Variants in SDK2 observed in about 807,000 individuals in gnomAD.
SDK2 encodes protein sidekick-2.
A neutral mutation model predicts 253.9 loss-of-function variants in SDK2; 105 were observed. The observed-to-expected ratio is 0.41, with a 90% confidence interval of 0.35 to 0.49. The LOEUF (loss-of-function observed/expected upper bound fraction) is 0.49. Among genes scored for constraint, SDK2 ranks in the 20% least tolerant of loss-of-function variants. The pLI, the probability that SDK2 is intolerant of heterozygous loss-of-function variation, is 0.06. For synonymous variants in SDK2, 1,249 were observed against 1,234.9 expected, an observed-to-expected ratio of 1.01 and a Z score of -0.24; for missense variants, 2,608 against 3,003.0, an observed-to-expected ratio of 0.87 and a Z score of 3.07.
intron 2 of SDK2, among the ~76,000 whole-genome samples, chr17:73,489,511 G>C (rs1015938222): frequency 1.3e-5 from 2 of 152,204 alleles, no homozygotes. Context: ...CGCCCAGATG[G>C]CCGGAGCTTC....
Position 73,643,847 on chromosome 17 carries a change from C to T in SDK2, c.64+178G>A, listed in dbSNP as rs1751144432. ...CACAAGTCTCGGAGAGACTGCCCCA[C>T]CCCCAAAAGAGCCCCAAAACTTGGG... On this transcript the variant is annotated intron_variant, in intron 1 of 44. Transcript: ENST00000392650. This position sits in a 1 kb window ranked among gnomAD's most constrained non-coding sequence, Gnocchi z 6.9. 6.6e-6 allele frequency among the ~76,000 whole-genome samples: 1 copy of T among 152,082 alleles called. No homozygotes were observed. Among genetic ancestry groups the T allele is most frequent in the Non-Finnish European group, 1.5e-5 (1 of 68,002 alleles).
In SDK2 at chr17:73,435,691, C is replaced by A; in HGVS notation, c.1001-47G>T. The stretch of plus-strand genomic sequence containing the variant: ...ACCGTCAACCTGCCTCCTGCCTCCT[C>A]TCCGCCTAGGAGGGGTGCTTGGGAG... On this transcript the variant is annotated intron_variant, in intron 8 of 44. Coordinates refer to ENST00000392650, the MANE Select transcript of SDK2 (RefSeq NM_001144952.2). The surrounding 1 kb of genome is among the most constrained non-coding windows in gnomAD (Gnocchi z 5.7). The A allele has an allele frequency of 1.3e-6, 2 of 1,487,028 alleles. No individual in the cohort carries two copies. The highest frequency in any genetic ancestry group is 1.4e-5 in the African/African-American group (1 of 72,290). 92.1% of individuals were successfully genotyped at this position (1,487,028 alleles called of 1,614,324 possible).
chr17:73,380,968 C>CG lies in SDK2; in HGVS notation c.4706-19dup. 56 of 618,672 alleles carry CG rather than the reference C, an allele frequency of 9.1e-5. No homozygotes were observed. Among genetic ancestry groups the CG allele is most frequent in the Non-Finnish European group, 1.3e-4 (45 of 353,794 alleles). 38.3% of individuals were successfully genotyped at this position (618,672 alleles called of 1,614,324 possible). A position where few individuals can be genotyped will look rare whatever the true frequency, so the allele number is the denominator to read the frequency against. ...GTACATGGCTATGGGGTGGGGGTGC[C>CG]GGGGCGGGGGCGCAGAGGGAGACAG... On this transcript the variant is annotated intron_variant, in intron 33 of 44. Transcript: ENST00000392650.
In SDK2 at chr17:73,629,756, C is replaced by A. The variant is rs1001392458; in HGVS notation, c.64+14269G>T. ...GGACCTGCCTTAGACTGGGCTGGAT[C>A]CTGGGCACCTCACTTAGTATACAGA... On this transcript the variant is annotated intron_variant, in intron 1 of 44. Coordinates refer to ENST00000392650, the MANE Select transcript of SDK2 (RefSeq NM_001144952.2). This position sits in a 1 kb window ranked among gnomAD's most constrained non-coding sequence, Gnocchi z 5.0. Among the ~76,000 whole-genome samples the A allele has an allele frequency of 6.6e-6, 1 of 152,068 alleles. No homozygotes were observed. Among genetic ancestry groups the A allele is most frequent in the South Asian group, 2.1e-4 (1 of 4,822 alleles).
At chr17:73,469,990 GCGCACACA>G (rs1251420015) in intron 3 of SDK2, among the ~76,000 whole-genome samples, 64 of 105,674 alleles carry the variant, frequency 6.1e-4, no homozygotes, top group Middle Eastern at 0.01. Context: ...CTGCGCGCGC[GCGCACACA>G]CACACACACA....
intron 3 of SDK2, among the ~76,000 whole-genome samples, chr17:73,466,325 G>C (rs2063596971): frequency 6.6e-6 from 1 of 152,208 alleles, no homozygotes; most frequent in African/African-American, 2.4e-5. Flanking sequence ...GCAATGGTTT[G>C]TGTGCGTTGA....
intron 38 of SDK2, 25 bp downstream of exon 38, chr17:73,365,233 G>T: frequency 2.0e-6 from 3 of 1,530,044 alleles, no homozygotes; most frequent in Non-Finnish European, 2.6e-6. Flanking sequence ...GGGGGCTGGG[G>T]AGCTGTGCTG....
At position 73,352,403 on chromosome 17, in the gene SDK2, G is replaced by A. The variant is rs2062546415; in HGVS notation, c.5758+70C>T. 14 of 1,536,072 alleles carry A rather than the reference G, an allele frequency of 9.1e-6. No homozygotes were observed. Among genetic ancestry groups the A allele is most frequent in the South Asian group, 1.2e-5 (1 of 84,466 alleles). On this transcript the variant is annotated intron_variant, in intron 41 of 44. Transcript: ENST00000392650. The surrounding 1 kb of genome is among the most constrained non-coding windows in gnomAD (Gnocchi z 4.1). ...GTGCCCTGGTGCCTCTCCTCCTTCC[G>A]CCCTGCCCAGTGTCAGCCCCCAGGC...
chr17:73,559,996 G>T (rs2045207870), intron 1 of SDK2, among the ~76,000 whole-genome samples: 1 of 152,144 alleles, frequency 6.6e-6, no homozygotes, highest in Admixed American at 6.5e-5. Context: ...AGGGCTGGGG[G>T]TTCCTCTGGG....
chr17:73,617,301 C>G (rs2046073315), intron 1 of SDK2, among the ~76,000 whole-genome samples: 1 of 131,756 alleles, frequency 7.6e-6, no homozygotes. Context: ...AGGCCTCCTG[C>G]AGAGGGGAGG....
At position 73,337,454 on chromosome 17, in the gene SDK2, T is replaced by C. The variant is rs1189944280; in HGVS notation, c.*1133A>G. On this transcript the variant is annotated 3_prime_UTR_variant, in exon 45 of 45. Coordinates refer to ENST00000392650, the MANE Select transcript of SDK2 (RefSeq NM_001144952.2). ...TCTGGCTAGGAGGGCCCAGATGAGTTTGTTCTGGAGAGGATCCCTAGACCC... is the reference window on the plus strand; with the variant it reads ...TCTGGCTAGGAGGGCCCAGATGAGTCTGTTCTGGAGAGGATCCCTAGACCC... The C allele has an allele frequency of 6.6e-6, 1 of 151,836 alleles. No individual in the cohort carries two copies. The highest frequency in any genetic ancestry group is 2.0e-4 in the East Asian group (1 of 5,088). The allele number at this position is 151,836 out of a possible 1,614,324, so 9.4% of individuals were successfully genotyped here.
chr17:73,536,843 C>T lies in SDK2; in HGVS notation c.65-29246G>A, dbSNP rs1198295778. Among the ~76,000 whole-genome samples the T allele has an allele frequency of 1.3e-5, 2 of 152,222 alleles. 1 individual carries two copies. The highest frequency in any genetic ancestry group is 2.9e-5 in the Non-Finnish European group (2 of 68,046). On this transcript the variant is annotated intron_variant, in intron 1 of 44. Transcript: ENST00000392650. Reference sequence around the variant, plus strand: ...GACTGTAGCCCCGCCTCCTTCCCTACTCCGCCTTCCTGCTGATAGTCTAAT... The same window carrying T: ...GACTGTAGCCCCGCCTCCTTCCCTATTCCGCCTTCCTGCTGATAGTCTAAT...
intron 44 of SDK2, among the ~76,000 whole-genome samples, chr17:73,344,026 A>G (rs938855567): frequency 7.2e-5 from 11 of 152,048 alleles, no homozygotes; most frequent in African/African-American, 2.7e-4. Flanking sequence ...TGTCCCCTGG[A>G]TGCCTCTACC....
intron 40 of SDK2, among the ~76,000 whole-genome samples, chr17:73,356,622 T>C (rs574972775): frequency 6.6e-6 from 1 of 152,082 alleles, no homozygotes; most frequent in African/African-American, 2.4e-5. Flanking sequence ...AGGGGAGAGA[T>C]GCTCACCCCA....
chr17:73,509,391 T>C (rs962126521), intron 1 of SDK2, among the ~76,000 whole-genome samples: 2 of 152,092 alleles, frequency 1.3e-5, no homozygotes, highest in African/African-American at 4.8e-5. Context: ...TCCACCACCC[T>C]CAGTGCTGGC....
At chr17:73,398,580 C>T (rs976348014) in intron 22 of SDK2, among the ~76,000 whole-genome samples, 151 bp from the exon 23 acceptor site, 5 of 152,176 alleles carry the variant, frequency 3.3e-5, no homozygotes, top group African/African-American at 1.2e-4. Context: ...CTTTCCAGGC[C>T]CCTAAACATG....
At chr17:73,398,944 C>T (rs958266611) in intron 22 of SDK2, among the ~76,000 whole-genome samples, 1 of 152,150 alleles carries the variant, frequency 6.6e-6, no homozygotes, top group Non-Finnish European at 1.5e-5. Flanking sequence ...AGGCACCCCC[C>T]GACCCAGGAG....
At chr17:73,380,439 C>T (rs1470571236) in intron 34 of SDK2, among the ~76,000 whole-genome samples, 10 of 152,102 alleles carry the variant, frequency 6.6e-5, no homozygotes, top group Admixed American at 3.3e-4. Context: ...GTCTGGTGCA[C>T]GGGAGGACGA....
chr17:73,533,420 T>G (rs559088253), intron 1 of SDK2, among the ~76,000 whole-genome samples: 15 of 152,336 alleles, frequency 9.8e-5, no homozygotes, highest in African/African-American at 3.4e-4. Flanking sequence ...CATTGGGCAG[T>G]GGCCAGCCAC....
Sources: allele counts gnomAD v4.1 joint callset (sites outside exome capture counted in the v4.1 genomes callset), GRCh38; gene constraint gnomAD v4.1.1; non-coding constraint Gnocchi (gnomAD v3.1); transcripts MANE v1.5; gene names NCBI Gene and HGNC (gene_info 2026-07-23, HGNC 2026-07-21).